LZTFL1: variants seen among roughly 807,000 people sequenced by gnomAD.
LZTFL1 encodes the protein leucine zipper transcription factor like 1, also known as leucine zipper transcription factor-like protein 1.
A neutral mutation model predicts 45.9 loss-of-function variants in LZTFL1; 25 were observed. That is an observed-to-expected ratio of 0.54 (90% CI 0.40 to 0.76). LZTFL1 has a LOEUF of 0.76. Among genes scored for constraint, LZTFL1 ranks in the 30% least tolerant of loss-of-function variants. The probability of loss-of-function intolerance (pLI) is 0.00; values close to 1 mark genes in which losing one functional copy is unlikely to be tolerated. For synonymous variants in LZTFL1, 93 were observed against 117.4 expected (o/e 0.79, Z 1.35); for missense variants, 277 against 331.1 (o/e 0.84, Z 1.27).
intron 2 of LZTFL1, among the ~76,000 whole-genome samples, chr3:45,863,659 T>C (rs1559412836): frequency 6.6e-6 from 1 of 152,154 alleles, no homozygotes; most frequent in Non-Finnish European, 1.5e-5. Context: ...AATATGTAGA[T>C]GTAACTTCCA....
At position 45,835,659 on chromosome 3, in the gene LZTFL1, C is replaced by T. The variant is rs1488761832; in HGVS notation, c.254G>A (p.Arg85Gln). 1.3e-5 allele frequency: 21 copies of T among 1,613,978 alleles called. No homozygotes were observed. The highest frequency in any genetic ancestry group is 1.8e-5 in the Non-Finnish European group (21 of 1,179,992). The change falls in exon 3 of 10, where the codon CGA (arginine) becomes CAA (glutamine). Residue 85 changes from arginine to glutamine, a missense_variant. Coordinates refer to ENST00000296135, the MANE Select transcript of LZTFL1 (RefSeq NM_020347.4). ...NTAYTNVLLL[R>Q]QLFAQAEKWY... ...CTTCTCAGCTTGTGCAAACAGCTGT[C>T]GCAGAAGTAACACATTGGTATAGGC...
chr3:45,913,213 C>T, intron 1 of LZTFL1: 5 of 1,396,152 alleles, frequency 3.6e-6, no homozygotes, highest in South Asian at 1.2e-5. Flanking sequence ...TTAAACAATG[C>T]TACTATTGTT....
At chr3:45,890,306 T>TATATATATAAC in intron 2 of LZTFL1, among the ~76,000 whole-genome samples, 1 of 15,468 alleles carries the variant, frequency 6.5e-5, no homozygotes, top group Non-Finnish European at 9.8e-5. Flanking sequence ...ATATATAACA[T>TATATATATAAC]ATATATATAT....
At chr3:45,830,770 T>C in intron 7 of LZTFL1, 143 bp downstream of exon 7, 1 of 701,340 alleles carries the variant, frequency 1.4e-6, no homozygotes, top group South Asian at 1.9e-5. Context: ...GGGGCAAGAA[T>C]GTCCCAACAC....
At chr3:45,849,055 A>G (rs1477182401) in intron 4 of LZTFL1, among the ~76,000 whole-genome samples, 2 of 152,230 alleles carry the variant, frequency 1.3e-5, no homozygotes, top group East Asian at 1.9e-4. Flanking sequence ...TAAAGTGTCT[A>G]TCGGTTGTTG....
chr3:45,899,317 A>G lies in LZTFL1; in HGVS notation c.-215+13803T>C, dbSNP rs59817490. On this transcript the variant is annotated intron_variant, in intron 2 of 4. Transcript: ENST00000472635. ...GTTCCACCTAAAACATGGTTTGGGA[A>G]ATGCTAGACAGATCTACTAGAAATA... 7.1e-3 allele frequency among the ~76,000 whole-genome samples: 1,088 copies of G among 152,370 alleles called. 13 individuals are homozygous for G. The highest frequency in any genetic ancestry group is 0.037 in the Middle Eastern group (11 of 294).
intron 2 of LZTFL1, among the ~76,000 whole-genome samples, chr3:45,903,733 G>A (rs998441253): frequency 6.6e-6 from 1 of 152,238 alleles, no homozygotes; most frequent in Non-Finnish European, 1.5e-5. Context: ...CTGCCCGTGA[G>A]GGGGCAGTGG....
intron 2 of LZTFL1, chr3:45,903,325 G>C (rs1702614985): frequency 6.5e-6 from 1 of 154,328 alleles, no homozygotes; most frequent in African/African-American, 2.4e-5. Flanking sequence ...GTAAGCAATA[G>C]GGATAAGGAA....
intron 2 of LZTFL1, among the ~76,000 whole-genome samples, chr3:45,861,066 C>T (rs971273262): frequency 2.6e-5 from 4 of 152,032 alleles, no homozygotes; most frequent in Non-Finnish European, 2.9e-5. Flanking sequence ...TCGAAGTACA[C>T]TGGCCTTGTG....
intron 2 of LZTFL1, among the ~76,000 whole-genome samples, chr3:45,906,291 ATGG>A (rs1408337667): frequency 6.6e-6 from 1 of 152,214 alleles, no homozygotes; most frequent in Non-Finnish European, 1.5e-5. Flanking sequence ...CAGGGGCCCC[ATGG>A]TGTATAAGAC....
intron 4 of LZTFL1, 110 bp downstream of exon 4, chr3:45,834,128 G>C: frequency 1.6e-6 from 1 of 609,800 alleles, no homozygotes; most frequent in Non-Finnish European, 2.9e-6. Context: ...CTCTTGAATT[G>C]AATGCTTTTC....
intron 2 of LZTFL1, among the ~76,000 whole-genome samples, chr3:45,879,244 C>A (rs1284521771): frequency 6.6e-6 from 1 of 152,206 alleles, no homozygotes; most frequent in African/African-American, 2.4e-5. Flanking sequence ...TTGCCCAAAC[C>A]TGGAAGGAAC....
At position 45,901,773 on chromosome 3, in the gene LZTFL1, G is replaced by C; in HGVS notation, c.-215+11347C>G. The C allele has an allele frequency of 6.8e-6, 11 of 1,614,156 alleles. No individual in the cohort carries two copies. Among genetic ancestry groups the C allele is most frequent in the Non-Finnish European group, 9.3e-6 (11 of 1,180,042 alleles). On this transcript the variant is annotated intron_variant, in intron 2 of 4. Transcript: ENST00000472635. This position sits in a 1 kb window ranked among gnomAD's most constrained non-coding sequence, Gnocchi z 4.3. ...GGGTGAGAGATTCCGCCGGGATCTC[G>C]TGAAAACCCTGAAGAACTTGGGTTG...
chr3:45,834,198 T>C, intron 4 of LZTFL1, 40 bp downstream of exon 4: 3 of 1,155,170 alleles, frequency 2.6e-6, no homozygotes, highest in Non-Finnish European at 3.8e-6. Context: ...TTTTAAATAC[T>C]GGCTATTAAG....
chr3:45,850,224 C>T (rs1363453516), intron 4 of LZTFL1, among the ~76,000 whole-genome samples: 1 of 152,074 alleles, frequency 6.6e-6, no homozygotes, highest in Non-Finnish European at 1.5e-5. Flanking sequence ...ATGTTTAATC[C>T]TCAAACAGCC....
chr3:45,883,702 CAG>C, intron 2 of LZTFL1: 1 of 572,412 alleles, frequency 1.7e-6, no homozygotes, highest in Non-Finnish European at 3.3e-6. Flanking sequence ...GAGCAAAGCC[CAG>C]AAAAGGCTAA....
At chr3:45,886,260 G>T (rs772172806) in intron 2 of LZTFL1, among the ~76,000 whole-genome samples, 2 of 152,168 alleles carry the variant, frequency 1.3e-5, no homozygotes, top group African/African-American at 2.4e-5. Flanking sequence ...GACTTCTCTC[G>T]ATGGGATCCT....
chr3:45,835,677 G>A lies in LZTFL1; in HGVS notation c.236C>T (p.Thr79Ile). The change falls in exon 3 of 10, where the codon ACC (threonine) becomes ATC (isoleucine). Residue 79 changes from threonine (T) to isoleucine (I), a missense_variant. Transcript: ENST00000296135. Reference protein sequence around the residue: ...VESELINTAYTNVLLLRQLFA... With the variant: ...VESELINTAYINVLLLRQLFA... ...CAGCTGTCGCAGAAGTAACACATTGGTATAGGCAGTGTTGATGAGCTCAGA... is the reference window on the plus strand; with the variant it reads ...CAGCTGTCGCAGAAGTAACACATTGATATAGGCAGTGTTGATGAGCTCAGA... The A allele has an allele frequency of 1.2e-6, 2 of 1,613,870 alleles. No homozygotes were observed. Among genetic ancestry groups the A allele is most frequent in the Non-Finnish European group, 1.7e-6 (2 of 1,179,758 alleles).
intron 2 of LZTFL1, among the ~76,000 whole-genome samples, chr3:45,868,036 C>T (rs73064431): frequency 0.078 from 11,449 of 147,392 alleles, 611 homozygotes; most frequent in South Asian, 0.27. Flanking sequence ...GGAAAATCCT[C>T]TTGAAAGAAA....
Sources: allele counts gnomAD v4.1 joint callset (sites outside exome capture counted in the v4.1 genomes callset), GRCh38; gene constraint gnomAD v4.1.1; non-coding constraint Gnocchi (gnomAD v3.1); transcripts MANE v1.5; gene names NCBI Gene and HGNC (gene_info 2026-07-23, HGNC 2026-07-21).